CREB5: variants seen among roughly 807,000 people sequenced by gnomAD.
CREB5 encodes the protein cAMP responsive element binding protein 5, also known as cyclic AMP-responsive element-binding protein 5.
In CREB5, 19 loss-of-function variants were observed where a neutral mutation model predicts 57.1. The ratio of observed to expected loss-of-function variants is 0.33; its 90% confidence interval spans 0.23 to 0.49. The LOEUF (loss-of-function observed/expected upper bound fraction) is 0.49. CREB5 is among the 20% of genes least tolerant of loss of function. CREB5 has a pLI of 0.99. For synonymous variants in CREB5, 238 were observed against 238.3 expected, an observed-to-expected ratio of 1.00 and a Z score of 0.01; for missense variants, 579 against 671.6, an observed-to-expected ratio of 0.86 and a Z score of 1.52.
chr7:28,674,350 A>G (rs541698232), intron 5 of CREB5, among the ~76,000 whole-genome samples: 1 of 152,292 alleles, frequency 6.6e-6, no homozygotes, highest in African/African-American at 2.4e-5. Flanking sequence ...TGTCTAACAA[A>G]TGTGTACTTT....
At chr7:28,445,603 G>C (rs571483385) in intron 1 of CREB5, among the ~76,000 whole-genome samples, 33 of 151,710 alleles carry the variant, frequency 2.2e-4, no homozygotes, top group East Asian at 1.2e-3. Context: ...CCAGGCTGGA[G>C]TGCAGTGGCG....
chr7:28,756,839 T>TGA (rs147283937), intron 7 of CREB5, among the ~76,000 whole-genome samples: 7 of 151,240 alleles, frequency 4.6e-5, no homozygotes, highest in Non-Finnish European at 1.0e-4. Flanking sequence ...CAGCAGGTTT[T>TGA]GAGAGAGAGA....
intron 5 of CREB5, among the ~76,000 whole-genome samples, chr7:28,654,053 G>A (rs925806844): frequency 6.6e-6 from 1 of 152,068 alleles, no homozygotes; most frequent in Non-Finnish European, 1.5e-5. Context: ...TTTTAAAGCT[G>A]TTTTTCATTT....
intron 3 of CREB5, among the ~76,000 whole-genome samples, chr7:28,497,522 G>T (rs1293893829): frequency 6.6e-6 from 1 of 152,186 alleles, no homozygotes; most frequent in Non-Finnish European, 1.5e-5. Flanking sequence ...CATGGTTTAT[G>T]TTGAGGTTGG....
At position 28,821,126 on chromosome 7, in the gene CREB5, A is replaced by ACGTGTGTGTGTGTGTG. The variant is rs1554304539; in HGVS notation, c.*1847_*1848insCGTGTGTGTGTGTGTG. The stretch of plus-strand genomic sequence containing the variant: ...CTCCATTTGAATGCTTGACCTCTTA[A>ACGTGTGTGTGTGTGTG]TGTGTGTGTGTGTGTGTGTGTGTGT... On this transcript the variant is annotated 3_prime_UTR_variant, in exon 11 of 11. Coordinates refer to ENST00000357727, the MANE Select transcript of CREB5 (RefSeq NM_182898.4). The ACGTGTGTGTGTGTGTG allele has an allele frequency of 6.8e-6, 1 of 146,342 alleles. No homozygotes were observed. Among genetic ancestry groups the ACGTGTGTGTGTGTGTG allele is most frequent in the African/African-American group, 2.5e-5 (1 of 39,358 alleles). 9.1% of individuals were successfully genotyped at this position (146,342 alleles called of 1,614,324 possible). A position where few individuals can be genotyped will look rare whatever the true frequency, so the allele number is the denominator to read the frequency against.
intron 4 of CREB5, among the ~76,000 whole-genome samples, chr7:28,559,223 A>G (rs1583625559): frequency 6.6e-6 from 1 of 152,198 alleles, no homozygotes; most frequent in African/African-American, 2.4e-5. Context: ...GACCAGACAC[A>G]TGGCAAATTG....
At chr7:28,553,031 G>A (rs572674241) in intron 4 of CREB5, among the ~76,000 whole-genome samples, 2 of 152,232 alleles carry the variant, frequency 1.3e-5, no homozygotes, top group South Asian at 4.1e-4. Flanking sequence ...CTTTCTTCAT[G>A]CCAATAATAC....
At chr7:28,560,035 G>A (rs1795018288) in intron 4 of CREB5, among the ~76,000 whole-genome samples, 1 of 152,250 alleles carries the variant, frequency 6.6e-6, no homozygotes, top group African/African-American at 2.4e-5. Flanking sequence ...TGTCAGAGCA[G>A]AGAAGAGCAG....
chr7:28,485,641 T>G (rs1006448067), intron 1 of CREB5, among the ~76,000 whole-genome samples: 3 of 152,132 alleles, frequency 2.0e-5, no homozygotes, highest in Non-Finnish European at 4.4e-5. Context: ...TATTAAGGTA[T>G]GGACCTTAGG....
intron 4 of CREB5, among the ~76,000 whole-genome samples, chr7:28,562,242 G>A (rs773124625): frequency 7.2e-5 from 11 of 152,144 alleles, no homozygotes; most frequent in Non-Finnish European, 1.3e-4. Flanking sequence ...CAGAAACATG[G>A]ACAATTCAAG....
chr7:28,394,106 A>AAAAAAT (rs1787289337), intron 1 of CREB5, among the ~76,000 whole-genome samples: 2 of 136,796 alleles, frequency 1.5e-5, no homozygotes, highest in Non-Finnish European at 3.1e-5. Flanking sequence ...AAAAAAAAAA[A>AAAAAAT]GTGGACTTGG....
chr7:28,430,522 T>C (rs1450615616), intron 1 of CREB5, among the ~76,000 whole-genome samples: 5 of 152,214 alleles, frequency 3.3e-5, no homozygotes, highest in African/African-American at 1.2e-4. Flanking sequence ...ATGCAAATTA[T>C]GAGCGGCCGT....
intron 7 of CREB5, among the ~76,000 whole-genome samples, chr7:28,739,127 T>C (rs1189770081): frequency 6.6e-6 from 1 of 152,236 alleles, no homozygotes; most frequent in African/African-American, 2.4e-5. Context: ...CTAGAGTGGT[T>C]CTTCAGCAAG....
chr7:28,538,501 C>T (rs1257541986), intron 4 of CREB5, among the ~76,000 whole-genome samples: 3 of 152,130 alleles, frequency 2.0e-5, no homozygotes, highest in Non-Finnish European at 2.9e-5. Flanking sequence ...TTTTCTTTCA[C>T]GACGTTGCTA....
chr7:28,766,212 A>C (rs929990958), intron 7 of CREB5, among the ~76,000 whole-genome samples: 1 of 152,082 alleles, frequency 6.6e-6, no homozygotes, highest in Non-Finnish European at 1.5e-5. Context: ...CCATCTCTTT[A>C]AAGTTACTTT....
chr7:28,352,922 T>TCTCATCCA (rs1440933405), intron 1 of CREB5, among the ~76,000 whole-genome samples: 1 of 152,222 alleles, frequency 6.6e-6, no homozygotes, highest in East Asian at 1.9e-4. Flanking sequence ...TTACACGTGT[T>TCTCATCCA]CTCATCCACT....
rs971695658 is a variant in CREB5 at position 28,470,605 on chromosome 7, C to T, written c.4-17570C>T. Among the ~76,000 whole-genome samples the T allele has an allele frequency of 2.6e-5, 4 of 152,106 alleles. 1 individual carries two copies. The highest frequency in any genetic ancestry group is 4.1e-4 in the South Asian group (2 of 4,822). On this transcript the variant is annotated intron_variant, in intron 1 of 10. Coordinates refer to ENST00000357727, the MANE Select transcript of CREB5 (RefSeq NM_182898.4). ...GGGTACATACCCAGCAGTAGGATTG[C>T]TGGGTCATATGGTAGCTCTATTTTT...
chr7:28,456,258 C>A (rs1441363025), intron 1 of CREB5, among the ~76,000 whole-genome samples: 1 of 152,016 alleles, frequency 6.6e-6, no homozygotes, highest in Admixed American at 6.6e-5. Context: ...CCCAAAGAAT[C>A]CATAAATATT....
intron 7 of CREB5, among the ~76,000 whole-genome samples, chr7:28,793,697 G>A (rs1807863149): frequency 6.6e-6 from 1 of 152,226 alleles, no homozygotes; most frequent in African/African-American, 2.4e-5. Flanking sequence ...AGAGCTGGGT[G>A]ATGTGGCAGC....
Sources: gnomAD v4.1 joint callset for allele counts (sites outside exome capture counted in the v4.1 genomes callset) on GRCh38, gnomAD v4.1.1 for gene constraint, MANE v1.5 for transcripts, NCBI Gene and HGNC (gene_info 2026-07-23, HGNC 2026-07-21) for gene names.